Variants in BTN2A1 observed in about 807,000 individuals in gnomAD.
BTN2A1 encodes the protein butyrophilin, subfamily 2, member A1.
BTN2A1 carries 41 observed loss-of-function variants against 34.5 expected under a neutral mutation model. The observed-to-expected ratio is 1.19, with a 90% confidence interval of 0.93 to 1.54. BTN2A1 has a LOEUF of 1.54. BTN2A1 is among the 40% of genes most tolerant of loss of function. The probability of loss-of-function intolerance (pLI) is 0.00; values close to 1 mark genes in which losing one functional copy is unlikely to be tolerated. For synonymous variants in BTN2A1, 267 were observed against 258.6 expected (o/e 1.03, Z -0.31); for missense variants, 642 against 662.0 (o/e 0.97, Z 0.33).
At chr6:26,467,472 C>T (rs9467762) in intron 7 of BTN2A1, among the ~76,000 whole-genome samples, 16,621 of 151,922 alleles carry the variant, frequency 0.11, 2,523 homozygotes, top group African/African-American at 0.34. Context: ...CCACCATGCC[C>T]GGCTAATTTT....
downstream of BTN2A1, among the ~76,000 whole-genome samples, chr6:26,471,355 G>A (rs1763445700): frequency 6.6e-6 from 1 of 152,228 alleles, no homozygotes; most frequent in African/African-American, 2.4e-5. Context: ...GTAAGAGCCT[G>A]CATCCTTGTT....
intron 2 of BTN2A1, 106 bp from the exon 3 acceptor site, chr6:26,459,375 A>C: frequency 1.9e-4 from 225 of 1,173,710 alleles, no homozygotes; most frequent in Non-Finnish European, 2.4e-4. Context: ...AAGAGACCCT[A>C]TGGCCATGGA....
rs372666428 is a variant in BTN2A1, at chr6:26,459,523, C to A, written c.125C>A (p.Thr42Lys). The change falls in exon 3 of 8, where the codon ACG (threonine) becomes AAG (lysine). Residue 42 changes from threonine (T) to lysine (K), a missense_variant. Transcript: ENST00000312541. The stretch of plus-strand genomic sequence containing the variant: ...GGGCCCACTGATCCCATCTTGGCCA[C>A]GGTTGGAGAAAACACTACGTTACGC... ...VVGPTDPILA[T>K]VGENTTLRCH... is the part of the protein sequence containing the mutation. 2 of 1,613,770 alleles carry A rather than the reference C, an allele frequency of 1.2e-6. No homozygotes were observed. The highest frequency in any genetic ancestry group is 1.7e-6 in the Non-Finnish European group (2 of 1,179,878).
downstream of BTN2A1, among the ~76,000 whole-genome samples, chr6:26,471,360 C>T (rs752760483): frequency 2.2e-4 from 34 of 152,206 alleles, no homozygotes; most frequent in African/African-American, 7.5e-4. Context: ...AGCCTGCATC[C>T]TTGTTCACAG....
rs1455799898 is a variant in BTN2A1, at chr6:26,465,172, G to A, written c.713-13G>A. 6.2e-7 allele frequency: 1 copy of A among 1,609,160 alleles called. No homozygotes were observed. Among genetic ancestry groups the A allele is most frequent in the Non-Finnish European group, 8.5e-7 (1 of 1,175,736 alleles). ...GTTTCAAACTAAGTGGATATTTCTG[G>A]CTGCCTTTTCAGAATCCTTTATGCC... On this transcript the variant is annotated splice_polypyrimidine_tract_variant and intron_variant, in intron 4 of 7. Coordinates refer to ENST00000312541, the MANE Select transcript of BTN2A1 (RefSeq NM_007049.5).
chr6:26,469,462 A>C lies in BTN2A1; in HGVS notation c.*913A>C. ...ATGGCATTTGAGATTGAAACTAAGA[A>C]ATGTTTTAATTTATTACCTTTACAA... On this transcript the variant is annotated 3_prime_UTR_variant, in exon 8 of 8. Coordinates refer to ENST00000312541, the MANE Select transcript of BTN2A1 (RefSeq NM_007049.5). 2.4e-6 allele frequency: 1 copy of C among 410,322 alleles called. No individual in the cohort carries two copies. Among genetic ancestry groups the C allele is most frequent in the Non-Finnish European group, 3.3e-6 (1 of 304,278 alleles). 25.4% of individuals were successfully genotyped at this position (410,322 alleles called of 1,614,324 possible). A position where few individuals can be genotyped will look rare whatever the true frequency, so the allele number is the denominator to read the frequency against.
chr6:26,472,536 A>G (rs1214235684), downstream of BTN2A1, among the ~76,000 whole-genome samples: 3 of 152,170 alleles, frequency 2.0e-5, no homozygotes, highest in South Asian at 4.1e-4. Context: ...AACAAATGAT[A>G]GGCCTTTATA....
At chr6:26,475,393 C>T (rs1017103907) in intron 7 of BTN2A1, among the ~76,000 whole-genome samples, 1 of 152,162 alleles carries the variant, frequency 6.6e-6, no homozygotes, top group East Asian at 1.9e-4. Context: ...ATCACCTTAA[C>T]AGCAAAGGCT....
chr6:26,469,793 CTG>C (rs1463117183), downstream of BTN2A1: 2 of 152,138 alleles, frequency 1.3e-5, no homozygotes, highest in African/African-American at 2.4e-5. Context: ...AAACAACAAA[CTG>C]TGTTTTATTA....
At chr6:26,467,563 C>T (rs1362282388) in intron 7 of BTN2A1, among the ~76,000 whole-genome samples, 1 of 152,206 alleles carries the variant, frequency 6.6e-6, no homozygotes, top group Non-Finnish European at 1.5e-5. Context: ...CCACCTGCCT[C>T]AGCCTCCCAA....
chr6:26,464,702 C>T (rs1426372188), intron 4 of BTN2A1, among the ~76,000 whole-genome samples: 1 of 152,120 alleles, frequency 6.6e-6, no homozygotes, highest in Non-Finnish European at 1.5e-5. Flanking sequence ...TTCACAGAGG[C>T]AATGAAAACA....
intron 7 of BTN2A1, among the ~76,000 whole-genome samples, chr6:26,466,653 C>T (rs1763324098): frequency 6.6e-6 from 1 of 152,206 alleles, no homozygotes; most frequent in African/African-American, 2.4e-5. Context: ...CAATTGCCCA[C>T]TCCCAGTGAG....
chr6:26,476,186 C>T, exon 8 of BTN2A1: 1 of 1,535,644 alleles, frequency 6.5e-7, no homozygotes, highest in Non-Finnish European at 8.7e-7. Context: ...CTGATGGCAG[C>T]CTGGTTTGAA....
intron 7 of BTN2A1, chr6:26,467,692 A>AT: frequency 6.4e-7 from 1 of 1,574,238 alleles, no homozygotes; most frequent in Non-Finnish European, 8.6e-7. Flanking sequence ...ATTTTACTTC[A>AT]TTTGCTAAAC....
chr6:26,475,759 A>G (rs1249738083), intron 7 of BTN2A1, among the ~76,000 whole-genome samples: 1 of 152,172 alleles, frequency 6.6e-6, no homozygotes, highest in Non-Finnish European at 1.5e-5. Flanking sequence ...TTAAAATAAA[A>G]TAAAATAAAT....
In BTN2A1 at chr6:26,465,966, A is replaced by G; in HGVS notation, c.948A>G (p.Glu316=). The G allele has an allele frequency of 6.2e-7, 1 of 1,614,238 alleles. No individual in the cohort carries two copies. The highest frequency in any genetic ancestry group is 8.5e-7 in the Non-Finnish European group (1 of 1,180,030). The change falls in exon 6 of 8, where the codon GAA becomes GAG. Residue 316 remains glutamate (E), a synonymous_variant. Coordinates refer to ENST00000312541, the MANE Select transcript of BTN2A1 (RefSeq NM_007049.5). ...EELQVKEKLQ[E]ELRWRRTFLH... ...TTTGTTTTTCAGAGAAACTTCAAGA[A>G]GAATTGCGTAAGTTTAGCCTTTCCT... is the stretch of plus-strand genomic sequence containing the variant.
intron 4 of BTN2A1, among the ~76,000 whole-genome samples, chr6:26,464,867 G>A (rs1581672269): frequency 6.6e-6 from 1 of 152,164 alleles, no homozygotes; most frequent in African/African-American, 2.4e-5. Flanking sequence ...GAATAAGAAG[G>A]AGGGCACCGC....
In BTN2A1 at chr6:26,468,348, C is replaced by T. The variant is rs1392556276; in HGVS notation, c.1383C>T (p.Val461=). The T allele has an allele frequency of 1.9e-6, 3 of 1,614,184 alleles. No homozygotes were observed. Among genetic ancestry groups the T allele is most frequent in the East Asian group, 4.5e-5 (2 of 44,876 alleles). ...TCCTGGACTATGAAGCTGGAGATGT[C>T]TCCTTCTACAACATGAGGGACAGAT... The part of the protein sequence containing the change: ...GVFLDYEAGD[V]SFYNMRDRSH... Residue 461 remains valine, a synonymous_variant, in exon 8 of 8, where the codon GTC becomes GTT. Coordinates refer to ENST00000312541, the MANE Select transcript of BTN2A1 (RefSeq NM_007049.5).
intron 7 of BTN2A1, 44 bp from the exon 8 acceptor site, chr6:26,467,904 G>A (rs778056008): frequency 1.3e-5 from 20 of 1,589,180 alleles, no homozygotes; most frequent in Admixed American, 1.7e-5. Context: ...ACAATCCCCA[G>A]GGTTCCTGAG....
Sources: gnomAD v4.1 joint callset for allele counts (sites outside exome capture counted in the v4.1 genomes callset) on GRCh38, gnomAD v4.1.1 for gene constraint, MANE v1.5 for transcripts, NCBI Gene and HGNC (gene_info 2026-07-23, HGNC 2026-07-21) for gene names.